FHIT: variants seen among roughly 807,000 people sequenced by gnomAD.
The protein encoded by FHIT is bis(5'-adenosyl)-triphosphatase.
A neutral mutation model predicts 17.9 loss-of-function variants in FHIT; 19 were observed. The ratio of observed to expected loss-of-function variants is 1.06; its 90% CI spans 0.74 to 1.56. FHIT has a LOEUF of 1.56. Ranked by LOEUF, FHIT falls within the 40% of genes most tolerant of loss-of-function variation. The probability of loss-of-function intolerance (pLI) is 0.00; values close to 1 mark genes in which losing one functional copy is unlikely to be tolerated. For synonymous variants in FHIT, 81 were observed against 69.7 expected (o/e 1.16, Z -0.81); for missense variants, 248 against 189.2 (o/e 1.31, Z -1.82).
chr3:60,834,281 C>A (rs1343242246), intron 3 of FHIT, among the ~76,000 whole-genome samples: 1 of 152,110 alleles, frequency 6.6e-6, no homozygotes, highest in African/African-American at 2.4e-5. Context: ...TTATCATTAT[C>A]TTTTATTTTA....
chr3:60,448,667 G>A (rs931394992), intron 5 of FHIT, among the ~76,000 whole-genome samples: 3 of 152,080 alleles, frequency 2.0e-5, no homozygotes, highest in Admixed American at 2.0e-4. Context: ...CTGGCCTCCT[G>A]GACAGCATTG....
At chr3:61,067,466 T>G (rs540614862) in intron 2 of FHIT, among the ~76,000 whole-genome samples, 1 of 152,266 alleles carries the variant, frequency 6.6e-6, no homozygotes, top group East Asian at 1.9e-4. Flanking sequence ...TATGACAACA[T>G]GTATAAAGTA....
intron 5 of FHIT, among the ~76,000 whole-genome samples, chr3:60,386,760 T>C (rs763636102): frequency 2.0e-5 from 3 of 152,180 alleles, no homozygotes; most frequent in Non-Finnish European, 4.4e-5. Context: ...ACACTCTCAT[T>C]TGTGAAGGGC....
In FHIT at chr3:60,057,221, A is replaced by T. The variant is rs147677053; in HGVS notation, c.104-43069T>A. On this transcript the variant is annotated intron_variant, in intron 5 of 9. Coordinates refer to ENST00000492590, the MANE Select transcript of FHIT (RefSeq NM_002012.4). ...TTACCACAAAACTTTGAGTGGTATT[A>T]TTATGTCCATATGACAGACGCCAAA... 2.0e-5 allele frequency among the ~76,000 whole-genome samples: 3 copies of T among 152,318 alleles called. No homozygotes were observed. In the East Asian group the frequency reaches 5.8e-4, roughly 29 times the overall value.
At chr3:60,350,269 A>G (rs1711020995) in intron 5 of FHIT, among the ~76,000 whole-genome samples, 1 of 152,106 alleles carries the variant, frequency 6.6e-6, no homozygotes, top group Non-Finnish European at 1.5e-5. Flanking sequence ...ACTTGGTAAT[A>G]GTGTACATGT....
At position 60,637,273 on chromosome 3, in the gene FHIT, T is replaced by A. The variant is rs528393432; in HGVS notation, c.-17-100294A>T. Among the ~76,000 whole-genome samples, 13 of 152,304 alleles carry A rather than the reference T, an allele frequency of 8.5e-5. No individual in the cohort carries two copies. In the East Asian group the frequency reaches 2.5e-3, roughly 29 times the overall value. ...GGTATGAAACTTCTTGGAATTTTAGTAGAAGTTAGAGAATTACCTAAGTAA... is the reference window on the plus strand; with the variant it reads ...GGTATGAAACTTCTTGGAATTTTAGAAGAAGTTAGAGAATTACCTAAGTAA... On this transcript the variant is annotated intron_variant, in intron 4 of 9. Transcript: ENST00000492590.
chr3:60,681,617 A>G (rs1240248727), intron 4 of FHIT, among the ~76,000 whole-genome samples: 4 of 152,232 alleles, frequency 2.6e-5, no homozygotes, highest in Non-Finnish European at 5.9e-5. Context: ...GAAGGAAATT[A>G]AAAGTGCTAC....
At chr3:60,061,644 T>C (rs1422216353) in intron 5 of FHIT, among the ~76,000 whole-genome samples, 1 of 152,230 alleles carries the variant, frequency 6.6e-6, no homozygotes, top group Non-Finnish European at 1.5e-5. Flanking sequence ...AAGTTTTACA[T>C]CATAGAGTGT....
In FHIT at chr3:61,017,934, G is replaced by C. The variant is rs189859648; in HGVS notation, c.-111+24113C>G. ...CAAAGTTGGGCAGCCCTACCAAAAA[G>C]AGAAAAAGAAGATACGAGAGGAGTC... On this transcript the variant is annotated intron_variant, in intron 3 of 9. Coordinates refer to ENST00000492590, the MANE Select transcript of FHIT (RefSeq NM_002012.4). Among the ~76,000 whole-genome samples the C allele has an allele frequency of 4.6e-5, 7 of 152,220 alleles. 1 individual carries two copies. The highest frequency in any genetic ancestry group is 4.6e-4 in the Admixed American group (7 of 15,296).
At chr3:60,033,417 C>G (rs1245055082) in intron 5 of FHIT, among the ~76,000 whole-genome samples, 1 of 151,874 alleles carries the variant, frequency 6.6e-6, no homozygotes, top group Non-Finnish European at 1.5e-5. Flanking sequence ...TCGCTTGAAC[C>G]TGGGAGGCAG....
chr3:60,485,099 T>G (rs2033778563), intron 5 of FHIT, among the ~76,000 whole-genome samples: 1 of 152,036 alleles, frequency 6.6e-6, no homozygotes, highest in African/African-American at 2.4e-5. Context: ...AAAACCATAA[T>G]GAGATACCAT....
At chr3:61,005,149 G>A (rs1196911052) in intron 3 of FHIT, among the ~76,000 whole-genome samples, 1 of 152,158 alleles carries the variant, frequency 6.6e-6, no homozygotes, top group African/African-American at 2.4e-5. Context: ...GGAAAGGTGA[G>A]TAAATGAAGC....
rs536076791 is a variant in FHIT at position 59,884,534 on chromosome 3, T to C, written c.348+37812A>G. Among the ~76,000 whole-genome samples, 9 of 152,294 alleles carry C rather than the reference T, an allele frequency of 5.9e-5. No individual in the cohort carries two copies. In the East Asian group the frequency reaches 1.7e-3, roughly 29 times the overall value. ...TGGAAACTAGAGGCTAAGACATTTA[T>C]TGTGTCATTGTTGAAGTTCCGTAAA... On this transcript the variant is annotated intron_variant, in intron 8 of 9. Transcript: ENST00000492590.
intron 5 of FHIT, among the ~76,000 whole-genome samples, chr3:60,299,303 A>G (rs1708348193): frequency 6.6e-6 from 1 of 152,130 alleles, no homozygotes. Flanking sequence ...CAATTTGCTA[A>G]CATTTTGTTA....
chr3:60,110,983 T>C (rs1395715286), intron 5 of FHIT, among the ~76,000 whole-genome samples: 1 of 152,178 alleles, frequency 6.6e-6, no homozygotes, highest in Non-Finnish European at 1.5e-5. Flanking sequence ...GAGAGTCTCC[T>C]GTGATACAGA....
At chr3:60,256,651 A>T (rs1386410132) in intron 5 of FHIT, among the ~76,000 whole-genome samples, 1 of 152,140 alleles carries the variant, frequency 6.6e-6, no homozygotes, top group Non-Finnish European at 1.5e-5. Context: ...CTCATCTCCC[A>T]CTTCTAATCA....
intron 5 of FHIT, among the ~76,000 whole-genome samples, chr3:60,096,359 G>T (rs1388604194): frequency 2.0e-5 from 3 of 152,186 alleles, no homozygotes; most frequent in South Asian, 2.1e-4. Context: ...TCAGAATAGG[G>T]GAGGGGCAGG....
At chr3:59,950,057 C>CCTG (rs895561536) in intron 7 of FHIT, among the ~76,000 whole-genome samples, 1 of 152,144 alleles carries the variant, frequency 6.6e-6, no homozygotes, top group Admixed American at 6.5e-5. Context: ...AGCCCTGCTT[C>CCTG]CTGGCCTTTC....
chr3:60,995,245 G>A (rs1156792954), intron 3 of FHIT, among the ~76,000 whole-genome samples: 1 of 152,084 alleles, frequency 6.6e-6, no homozygotes, highest in Non-Finnish European at 1.5e-5. Context: ...GCGTGAACCC[G>A]GGAGGCGGAG....
Sources: allele counts gnomAD v4.1 joint callset (sites outside exome capture counted in the v4.1 genomes callset), GRCh38; gene constraint gnomAD v4.1.1; transcripts MANE v1.5; gene names NCBI Gene and HGNC (gene_info 2026-07-23, HGNC 2026-07-21).